Variants in SLC22A3 observed in about 807,000 individuals in gnomAD.
SLC22A3 encodes EMT organic cation transporter 3.
Under a neutral mutation model 59.1 loss-of-function variants are expected in SLC22A3, and 51 were observed. The observed-to-expected ratio is 0.86, with a 90% CI of 0.69 to 1.09. The LOEUF (loss-of-function observed/expected upper bound fraction) is 1.09. SLC22A3 is among the 50% of genes least tolerant of loss of function. The pLI is 0.00. For synonymous variants in SLC22A3, 325 were observed against 292.0 expected (o/e 1.11, Z -1.15); for missense variants, 711 against 726.3 (o/e 0.98, Z 0.24).
intron 5 of SLC22A3, among the ~76,000 whole-genome samples, chr6:160,422,955 G>A (rs1486825811): frequency 5.9e-5 from 9 of 152,032 alleles, no homozygotes; most frequent in African/African-American, 1.9e-4. Flanking sequence ...TACATTAGGT[G>A]TATCTCCTAA....
Position 160,373,403 on chromosome 6 carries a change from C to T in SLC22A3, c.429+24555C>T, listed in dbSNP as rs139021542. Among the ~76,000 whole-genome samples the T allele has an allele frequency of 9.2e-5, 14 of 152,268 alleles. No individual in the cohort carries two copies. In the East Asian group the frequency reaches 2.7e-3, roughly 29 times the overall value. On this transcript the variant is annotated intron_variant, in intron 1 of 10. Coordinates refer to ENST00000275300, the MANE Select transcript of SLC22A3 (RefSeq NM_021977.4). ...AGCTTTGTCTCAGAGGGGCACTCAC[C>T]AGATGTGAGCCAGAGCTCTTTTGTA... is the stretch of plus-strand genomic sequence containing the variant.
At chr6:160,375,882 A>G (rs1388572701) in intron 1 of SLC22A3, among the ~76,000 whole-genome samples, 1 of 152,100 alleles carries the variant, frequency 6.6e-6, no homozygotes, top group South Asian at 2.1e-4. Context: ...TTAGGCTTCC[A>G]CCTGCTAACT....
At position 160,366,632 on chromosome 6, in the gene SLC22A3, G is replaced by A. The variant is rs2661842; in HGVS notation, c.429+17784G>A. On this transcript the variant is annotated intron_variant, in intron 1 of 10. Coordinates refer to ENST00000275300, the MANE Select transcript of SLC22A3 (RefSeq NM_021977.4). ...TGACCCCACATTTCCCTTCCACACT[G>A]CCCTAGCAGAGGTTCTTCATGAGGG... Among the ~76,000 whole-genome samples, 452 of 152,272 alleles carry A rather than the reference G, an allele frequency of 3.0e-3. 17 individuals are homozygous for A. The East Asian group carries it at 0.073, about 25-fold the overall frequency.
chr6:160,442,038 G>A (rs1447486608), intron 7 of SLC22A3, among the ~76,000 whole-genome samples: 1 of 152,194 alleles, frequency 6.6e-6, no homozygotes, highest in Non-Finnish European at 1.5e-5. Flanking sequence ...TTTCCCACTA[G>A]TTAGTAGGGA....
chr6:160,437,144 C>T lies in SLC22A3; in HGVS notation c.1221C>T (p.Arg407=). The T allele has an allele frequency of 6.2e-7, 1 of 1,614,168 alleles. No individual in the cohort carries two copies. Among genetic ancestry groups the T allele is most frequent in the Non-Finnish European group, 8.5e-7 (1 of 1,180,004 alleles). ...ILLTIERLGR[R]LPFAASNIVA... ...TAACCATTGAGCGCCTTGGACGACG[C>T]CTCCCCTTTGCGGCAAGCAATATAG... Residue 407 remains arginine, a synonymous_variant, in exon 7 of 11, where the codon CGC becomes CGT. Coordinates refer to ENST00000275300, the MANE Select transcript of SLC22A3 (RefSeq NM_021977.4).
At chr6:160,354,341 G>C (rs1230687884) in intron 1 of SLC22A3, among the ~76,000 whole-genome samples, 2 of 152,300 alleles carry the variant, frequency 1.3e-5, no homozygotes, top group East Asian at 3.9e-4. Flanking sequence ...TTAGCAATTG[G>C]CTTGACATAT....
intron 1 of SLC22A3, among the ~76,000 whole-genome samples, chr6:160,396,628 T>C (rs1041186844): frequency 1.3e-5 from 2 of 152,190 alleles, no homozygotes; most frequent in Non-Finnish European, 1.5e-5. Flanking sequence ...TAATAAATAA[T>C]ATATCCACTG....
chr6:160,350,645 CA>C (rs1784627715), intron 1 of SLC22A3, among the ~76,000 whole-genome samples: 1 of 152,160 alleles, frequency 6.6e-6, no homozygotes, highest in Admixed American at 6.5e-5. Flanking sequence ...CGAGCCTCAA[CA>C]AGTGCTCAAG....
chr6:160,438,438 A>C (rs1299319807), intron 7 of SLC22A3, among the ~76,000 whole-genome samples: 2 of 152,246 alleles, frequency 1.3e-5, no homozygotes, highest in Non-Finnish European at 2.9e-5. Context: ...TCTGAGGACC[A>C]GCCAAGAAAT....
At chr6:160,397,956 G>A (rs1484344348) in intron 1 of SLC22A3, 23 bp from the exon 2 acceptor site, 5 of 1,557,270 alleles carry the variant, frequency 3.2e-6, no homozygotes, top group Non-Finnish European at 4.4e-6. Context: ...ATGTCTCCAT[G>A]TGTGTTTTCT....
chr6:160,369,254 T>C (rs1457998766), intron 1 of SLC22A3, among the ~76,000 whole-genome samples: 1 of 152,246 alleles, frequency 6.6e-6, no homozygotes, highest in Non-Finnish European at 1.5e-5. Context: ...TGGATGCCTG[T>C]TTTTATCAGG....
intron 1 of SLC22A3, among the ~76,000 whole-genome samples, chr6:160,363,444 C>G (rs1785092201): frequency 6.6e-6 from 1 of 152,096 alleles, no homozygotes; most frequent in South Asian, 2.1e-4. Flanking sequence ...AGCCTGTTCA[C>G]AAGAGCGGGG....
At chr6:160,439,424 A>G (rs191371505) in intron 7 of SLC22A3, among the ~76,000 whole-genome samples, 200 of 152,242 alleles carry the variant, frequency 1.3e-3, no homozygotes, top group African/African-American at 4.6e-3. Flanking sequence ...TTCATGATAT[A>G]TATATATACT....
At position 160,392,830 on chromosome 6, in the gene SLC22A3, T is replaced by C. The variant is rs376896925; in HGVS notation, c.430-5149T>C. On this transcript the variant is annotated intron_variant, in intron 1 of 10. Transcript: ENST00000275300. ...GAAGTTGCCCATGGAGGTCTACATGTCATTGTTTTGGCCAGTGCAAAATGT... is the reference window on the plus strand; with the variant it reads ...GAAGTTGCCCATGGAGGTCTACATGCCATTGTTTTGGCCAGTGCAAAATGT... Among the ~76,000 whole-genome samples, 13 of 152,256 alleles carry C rather than the reference T, an allele frequency of 8.5e-5. No individual in the cohort carries two copies. The South Asian group carries it at 1.7e-3, about 19-fold the overall frequency.
At chr6:160,417,451 G>T (rs1392061820) in intron 5 of SLC22A3, among the ~76,000 whole-genome samples, 1 of 152,158 alleles carries the variant, frequency 6.6e-6, no homozygotes, top group East Asian at 1.9e-4. Flanking sequence ...AGATTTGGGG[G>T]TATCTGTTCT....
intron 8 of SLC22A3, 116 bp downstream of exon 8, chr6:160,442,985 G>A: frequency 1.3e-6 from 1 of 771,254 alleles, no homozygotes; most frequent in South Asian, 1.5e-5. Context: ...ATTAGCCTAG[G>A]CTGAATCCAG....
At chr6:160,351,719 T>G (rs1784666478) in intron 1 of SLC22A3, among the ~76,000 whole-genome samples, 1 of 152,194 alleles carries the variant, frequency 6.6e-6, no homozygotes, top group African/African-American at 2.4e-5. Flanking sequence ...GTTTACAAAG[T>G]GGGCGGGATG....
chr6:160,419,044 G>A (rs999269767), intron 5 of SLC22A3, among the ~76,000 whole-genome samples: 2 of 152,072 alleles, frequency 1.3e-5, no homozygotes, highest in Non-Finnish European at 2.9e-5. Context: ...CATCAGGAAC[G>A]GAATTTGAGC....
Position 160,392,638 on chromosome 6 carries a change from G to C in SLC22A3, c.430-5341G>C, listed in dbSNP as rs954739805. 1.2e-4 allele frequency among the ~76,000 whole-genome samples: 18 copies of C among 152,316 alleles called. No individual in the cohort carries two copies. In the East Asian group the frequency reaches 2.9e-3, roughly 24 times the overall value. ...TAACTTTTTGACATTAAATGAAGGT[G>C]CCCAAATAGTGCCATCAGATCATGT... On this transcript the variant is annotated intron_variant, in intron 1 of 10. Coordinates refer to ENST00000275300, the MANE Select transcript of SLC22A3 (RefSeq NM_021977.4).
Sources: allele counts gnomAD v4.1 joint callset (sites outside exome capture counted in the v4.1 genomes callset), GRCh38; gene constraint gnomAD v4.1.1; transcripts MANE v1.5; gene names NCBI Gene and HGNC (gene_info 2026-07-23, HGNC 2026-07-21).